KIAA1217: variants seen among roughly 807,000 people sequenced by gnomAD.
KIAA1217 encodes the protein KIAA1217.
KIAA1217 carries 88 observed loss-of-function variants against 163.9 expected under a neutral mutation model. The observed-to-expected ratio is 0.54, with a 90% CI of 0.45 to 0.64. The LOEUF (loss-of-function observed/expected upper bound fraction) is 0.64, where lower values mean the gene tolerates loss of function less well. Among genes scored for constraint, KIAA1217 ranks in the 30% least tolerant of loss-of-function variants. The pLI is 0.00. For synonymous variants in KIAA1217, 903 were observed against 923.1 expected (o/e 0.98, Z 0.39); for missense variants, 2,372 against 2,475.0 (o/e 0.96, Z 0.88).
intron 2 of KIAA1217, among the ~76,000 whole-genome samples, chr10:24,066,719 A>G (rs1050929143): frequency 9.2e-5 from 14 of 152,112 alleles, no homozygotes; most frequent in Non-Finnish European, 1.6e-4. Flanking sequence ...GTTCTCCTGG[A>G]TAATATCCTG....
intron 2 of KIAA1217, among the ~76,000 whole-genome samples, chr10:24,378,183 C>T (rs1356081224): frequency 6.6e-6 from 1 of 152,118 alleles, no homozygotes; most frequent in East Asian, 1.9e-4. Flanking sequence ...ACTAATAGAT[C>T]CTCTGTCCCA....
At chr10:24,210,958 T>C (rs1367482233) in intron 1 of KIAA1217, among the ~76,000 whole-genome samples, 2 of 151,934 alleles carry the variant, frequency 1.3e-5, no homozygotes, top group South Asian at 2.1e-4. Flanking sequence ...TTTTTTAGTA[T>C]AAGTATATCC....
At chr10:24,204,738 C>T (rs11013959), upstream of KIAA1217, among the ~76,000 whole-genome samples, 145 of 152,340 alleles carry the variant, frequency 9.5e-4, 3 homozygotes, top group East Asian at 0.023. Context: ...CCACCTGACA[C>T]ATTGCTGTCA....
intron 14 of KIAA1217, among the ~76,000 whole-genome samples, chr10:24,529,009 G>T: frequency 6.6e-6 from 1 of 152,046 alleles, no homozygotes; most frequent in Non-Finnish European, 1.5e-5. Flanking sequence ...GTCTTATTCT[G>T]ATCTTAAAAT....
intron 2 of KIAA1217, among the ~76,000 whole-genome samples, chr10:24,057,138 T>C (rs538551574): frequency 6.6e-6 from 1 of 152,220 alleles, no homozygotes; most frequent in South Asian, 2.1e-4. Flanking sequence ...TCCCAGCTAC[T>C]CAGGAGGCTG....
At chr10:23,945,636 A>G (rs1843996466) in intron 1 of KIAA1217, among the ~76,000 whole-genome samples, 1 of 152,096 alleles carries the variant, frequency 6.6e-6, no homozygotes. Flanking sequence ...ATCTCAGGGA[A>G]CTCCAAGGGG....
intron 9 of KIAA1217, among the ~76,000 whole-genome samples, chr10:24,509,168 G>T (rs531994750): frequency 2.6e-5 from 4 of 152,304 alleles, no homozygotes; most frequent in African/African-American, 9.6e-5. Context: ...GAGAAAGATG[G>T]TGATCCACAT....
intron 3 of KIAA1217, among the ~76,000 whole-genome samples, chr10:24,422,614 C>T (rs191116593): frequency 2.1e-3 from 319 of 152,318 alleles, no homozygotes; most frequent in Non-Finnish European, 4.0e-3. Context: ...GATCACAGCA[C>T]TGGAAATCAG....
At chr10:23,820,506 C>T (rs1326003320) in intron 1 of KIAA1217, among the ~76,000 whole-genome samples, 5 of 152,248 alleles carry the variant, frequency 3.3e-5, no homozygotes, top group East Asian at 3.9e-4. Flanking sequence ...TGAATACCCA[C>T]GTATTAAAAC....
At chr10:24,402,528 C>CAAAAAAA (rs56323500) in intron 3 of KIAA1217, among the ~76,000 whole-genome samples, 10 of 77,206 alleles carry the variant, frequency 1.3e-4, no homozygotes, top group East Asian at 6.1e-4. Context: ...AAAAACAAAA[C>CAAAAAAA]AAAAAAAAAA....
intron 2 of KIAA1217, among the ~76,000 whole-genome samples, chr10:24,047,429 G>C (rs1412553702): frequency 2.6e-5 from 4 of 152,178 alleles, no homozygotes; most frequent in African/African-American, 9.7e-5. Context: ...GTGGTTTATG[G>C]GGAGAAGTAG....
chr10:24,087,795 C>T (rs1051862988), intron 2 of KIAA1217, among the ~76,000 whole-genome samples: 20 of 152,216 alleles, frequency 1.3e-4, no homozygotes, highest in African/African-American at 4.8e-4. Flanking sequence ...GACTTCAGCA[C>T]TCTTTCCACA....
Position 24,448,033 on chromosome 10 carries a change from G to A in KIAA1217, c.846+9554G>A, listed in dbSNP as rs534587809. On this transcript the variant is annotated intron_variant, in intron 5 of 20. Transcript: ENST00000376454. ...TAGTCCCAGCTACTCAGGAGGCTGAGGCAGGAGAATCACTTGAACCCCGGA... is the reference window on the plus strand; with the variant it reads ...TAGTCCCAGCTACTCAGGAGGCTGAAGCAGGAGAATCACTTGAACCCCGGA... Among the ~76,000 whole-genome samples, 5 of 152,206 alleles carry A rather than the reference G, an allele frequency of 3.3e-5. No individual in the cohort carries two copies. The East Asian group carries it at 9.7e-4, about 29-fold the overall frequency.
At position 23,916,434 on chromosome 10, in the gene KIAA1217, C is replaced by G. The variant is rs1842635049; in HGVS notation, c.-320-90791C>G. On this transcript the variant is annotated intron_variant, in intron 1 of 18. Coordinates refer to the KIAA1217 transcript ENST00000376462. The stretch of plus-strand genomic sequence containing the variant: ...CAATCCCACCTCAGGCAATGTGTCT[C>G]TTCCTTCCTGGTGCATTCACACCAC... Among the ~76,000 whole-genome samples, 3 of 152,220 alleles carry G rather than the reference C, an allele frequency of 2.0e-5. 1 individual carries two copies. The East Asian group carries it at 5.8e-4, about 29-fold the overall frequency.
chr10:24,341,346 A>T (rs1171914502), intron 2 of KIAA1217, among the ~76,000 whole-genome samples: 1 of 152,030 alleles, frequency 6.6e-6, no homozygotes, highest in Non-Finnish European at 1.5e-5. Context: ...CAGTTGGAAG[A>T]TTGTCAAGCC....
chr10:24,369,177 C>CTGTGTGTGTGTG (rs1330525924), intron 2 of KIAA1217, among the ~76,000 whole-genome samples: 45 of 78,898 alleles, frequency 5.7e-4, no homozygotes, highest in African/African-American at 2.7e-3. Context: ...AGAACTTTCA[C>CTGTGTGTGTGTG]TATGTGTGTG....
At chr10:23,922,811 GAAA>G (rs1439347298) in intron 1 of KIAA1217, among the ~76,000 whole-genome samples, 1 of 152,118 alleles carries the variant, frequency 6.6e-6, no homozygotes, top group African/African-American at 2.4e-5. Flanking sequence ...ATGGCGGCCT[GAAA>G]TAAGGTAAAG....
intron 12 of KIAA1217, among the ~76,000 whole-genome samples, chr10:24,522,243 G>A (rs990392774): frequency 6.6e-6 from 1 of 152,118 alleles, no homozygotes; most frequent in African/African-American, 2.4e-5. Context: ...AGGATCCCTT[G>A]AGCCCAGGAG....
rs531695038 is a variant in KIAA1217 at position 24,304,622 on chromosome 10, C to T, written c.355-76247C>T. ...GTGCTGAGATTACAGGCATGAGCCA[C>T]CAGACCTGACCTTGGGGTTTTATTA... On this transcript the variant is annotated intron_variant, in intron 2 of 20. Transcript: ENST00000376454. Among the ~76,000 whole-genome samples the T allele has an allele frequency of 1.2e-3, 183 of 152,242 alleles. 1 individual carries two copies. Among genetic ancestry groups the T allele is most frequent in the African/African-American group, 4.3e-3 (179 of 41,532 alleles).
Sources: allele counts gnomAD v4.1 joint callset (sites outside exome capture counted in the v4.1 genomes callset), GRCh38; gene constraint gnomAD v4.1.1; transcripts MANE v1.5; gene names NCBI Gene and HGNC (gene_info 2026-07-23, HGNC 2026-07-21).